The following GPAM variants were observed in gnomAD, a reference collection of about 807,000 sequenced individuals.
GPAM encodes glycerol-3-phosphate acyltransferase, mitochondrial, also known as glycerol-3-phosphate acyltransferase 1, mitochondrial.
Under a neutral mutation model 105.0 loss-of-function variants are expected in GPAM, and 56 were observed. The ratio of observed to expected loss-of-function variants is 0.53; its 90% CI spans 0.43 to 0.67. The LOEUF is 0.67. GPAM is among the 30% of genes least tolerant of loss of function. The pLI is 0.00. For missense variants in GPAM, 855 were observed against 989.8 expected (o/e 0.86, Z 1.83); for synonymous variants, 368 against 354.4 (o/e 1.04, Z -0.43).
chr10:112,213,140 C>T (rs188531428), intron 1 of GPAM, among the ~76,000 whole-genome samples: 7 of 152,124 alleles, frequency 4.6e-5, no homozygotes, highest in South Asian at 2.1e-4. Flanking sequence ...TGGGTCCAAC[C>T]GAGCATGTGA....
At position 112,161,852 on chromosome 10, in the gene GPAM, A is replaced by C. The variant is rs557232011; in HGVS notation, c.1424-115T>G. 22 of 775,118 alleles carry C rather than the reference A, an allele frequency of 2.8e-5. No individual in the cohort carries two copies. The South Asian group carries it at 3.1e-4, about 11-fold the overall frequency. 48.0% of individuals were successfully genotyped at this position (775,118 alleles called of 1,614,324 possible). On this transcript the variant is annotated intron_variant, in intron 14 of 21. Transcript: ENST00000348367. ...TTTAAAACTGTGAAAGTCTTCTATC[A>C]CATTTCCCATAAGTGTGATTTACCA... is the stretch of plus-strand genomic sequence containing the variant.
chr10:112,181,185 C>CAA (rs1284134123), intron 3 of GPAM, among the ~76,000 whole-genome samples: 22 of 125,904 alleles, frequency 1.7e-4, no homozygotes, highest in African/African-American at 6.4e-4. Context: ...CAAAATTAAG[C>CAA]AAAAAAAAAA....
At chr10:112,169,406 A>G (rs17129583) in intron 9 of GPAM, among the ~76,000 whole-genome samples, 16,714 of 152,236 alleles carry the variant, frequency 0.11, 1,063 homozygotes, top group South Asian at 0.2. Context: ...TCAAATAATT[A>G]TTGTTTACAG....
intron 1 of GPAM, among the ~76,000 whole-genome samples, chr10:112,207,543 C>A (rs753246307): frequency 6.6e-6 from 1 of 152,180 alleles, no homozygotes; most frequent in Admixed American, 6.5e-5. Context: ...AAACCAAACA[C>A]AATGATCAAG....
chr10:112,221,404 A>G, the GPAM span, among the ~76,000 whole-genome samples: 2 of 152,022 alleles, frequency 1.3e-5, no homozygotes, highest in African/African-American at 4.8e-5. Context: ...TGGTGGGAGG[A>G]CCCCTGTATC....
rs1564809366 is a variant in GPAM, at chr10:112,155,893, G to A, written c.2282C>T (p.Thr761Ile). ...TACTGCAACATTTCTTTCTGTTCTG[G>A]TTATTAGGTATTTGTGCAACTTTTG... ...YLQKLHKYLI[T>I]RTERNVAVYA... is the part of the protein sequence containing the mutation. The change falls in exon 20 of 22, where the codon ACC (threonine) becomes ATC (isoleucine). Residue 761 changes from threonine to isoleucine, a missense_variant. Physicochemically the swap from Thr to Ile is moderately conservative, Grantham distance 89. Transcript: ENST00000348367. The A allele has an allele frequency of 6.2e-7, 1 of 1,605,290 alleles. No homozygotes were observed. The highest frequency in any genetic ancestry group is 2.2e-5 in the East Asian group (1 of 44,850).
At chr10:112,226,355 A>G in the GPAM span, among the ~76,000 whole-genome samples, 2 of 152,202 alleles carry the variant, frequency 1.3e-5, no homozygotes, top group African/African-American at 2.4e-5. Flanking sequence ...TAGGACTTGC[A>G]GAGCACAACA....
At chr10:112,222,116 T>C in the GPAM span, among the ~76,000 whole-genome samples, 1 of 152,236 alleles carries the variant, frequency 6.6e-6, no homozygotes, top group African/African-American at 2.4e-5. Context: ...TTGACAATTG[T>C]TGAAGTTGGG....
At chr10:112,204,290 C>G (rs1487398078) in intron 1 of GPAM, among the ~76,000 whole-genome samples, 1 of 149,152 alleles carries the variant, frequency 6.7e-6, no homozygotes, top group Non-Finnish European at 1.5e-5. Flanking sequence ...AGAGACAACC[C>G]TTTCAAGGAT....
chr10:112,190,831 G>C (rs975222548), intron 1 of GPAM, among the ~76,000 whole-genome samples: 2 of 152,082 alleles, frequency 1.3e-5, no homozygotes, highest in Non-Finnish European at 2.9e-5. Flanking sequence ...TTCTTTTAGA[G>C]AAGGCAGAAT....
At chr10:112,196,031 T>A (rs1188557103) in intron 1 of GPAM, among the ~76,000 whole-genome samples, 2 of 152,082 alleles carry the variant, frequency 1.3e-5, no homozygotes, top group African/African-American at 4.8e-5. Context: ...TGATCTCCAG[T>A]GTAGGGGGTG....
intron 6 of GPAM, 136 bp downstream of exon 6, chr10:112,175,464 T>C: frequency 7.3e-6 from 5 of 683,972 alleles, no homozygotes; most frequent in South Asian, 6.4e-5. Context: ...GAGCTTAACA[T>C]TTAATGTTTG....
chr10:112,165,712 T>C (rs1019195966), intron 12 of GPAM, among the ~76,000 whole-genome samples: 3 of 152,068 alleles, frequency 2.0e-5, no homozygotes, highest in Non-Finnish European at 4.4e-5. Context: ...GTTACCCAGC[T>C]TTTAGGGGAG....
chr10:112,155,860 A>C lies in GPAM; in HGVS notation c.2311+4T>G. ...TTAAAAGAATAAATAGTGACTTAACATACCATATACTGCAACATTTCTTTC... is the reference window on the plus strand; with the variant it reads ...TTAAAAGAATAAATAGTGACTTAACCTACCATATACTGCAACATTTCTTTC... On this transcript the variant is annotated splice_donor_region_variant and intron_variant, in intron 20 of 21. Coordinates refer to ENST00000348367, the MANE Select transcript of GPAM (RefSeq NM_001244949.2). 1 of 1,539,786 alleles carries C rather than the reference A, an allele frequency of 6.5e-7. No individual in the cohort carries two copies. The highest frequency in any genetic ancestry group is 9.0e-7 in the Non-Finnish European group (1 of 1,113,144).
At chr10:112,168,748 T>C (rs1311487568) in intron 10 of GPAM, 105 bp downstream of exon 10, 5 of 820,954 alleles carry the variant, frequency 6.1e-6, no homozygotes, top group Non-Finnish European at 1.1e-5. Flanking sequence ...TCACTCCAGT[T>C]ACTCAAAGAG....
the GPAM span, among the ~76,000 whole-genome samples, chr10:112,224,885 C>G: frequency 1.3e-3 from 200 of 152,262 alleles, no homozygotes; most frequent in South Asian, 4.8e-3. Context: ...CGCAAGTTCT[C>G]CAGCCTCCAG....
chr10:112,171,591 T>C (rs1238433087), intron 9 of GPAM, among the ~76,000 whole-genome samples: 2 of 152,180 alleles, frequency 1.3e-5, no homozygotes, highest in African/African-American at 4.8e-5. Flanking sequence ...TATTCCCACC[T>C]TACCCAATTG....
rs183847085 is a variant in GPAM at position 112,202,189 on chromosome 10, G to T, written n.210+12979C>A. 2.4e-4 allele frequency among the ~76,000 whole-genome samples: 37 copies of T among 152,278 alleles called. No homozygotes were observed. The East Asian group carries it at 6.8e-3, about 28-fold the overall frequency. ...AGGCTTTGTGGGCTATATGGTCCTG[G>T]TCACAACTACTCAACCCTTTTGTAG... On this transcript the variant is annotated intron_variant and non_coding_transcript_variant, in intron 1 of 3. Coordinates refer to the GPAM transcript ENST00000480130.
chr10:112,209,020 C>A (rs775376399), intron 1 of GPAM, among the ~76,000 whole-genome samples: 13 of 152,276 alleles, frequency 8.5e-5, no homozygotes, highest in Non-Finnish European at 1.3e-4. Context: ...GTGTTCAGGG[C>A]AAGGACAGGG....
Sources: gnomAD v4.1 joint callset for allele counts (sites outside exome capture counted in the v4.1 genomes callset) on GRCh38, gnomAD v4.1.1 for gene constraint, MANE v1.5 for transcripts, NCBI Gene and HGNC (gene_info 2026-07-23, HGNC 2026-07-21) for gene names.